UST: variants seen among roughly 807,000 people sequenced by gnomAD.
UST encodes the protein chondroitin sulfate 2-O-sulfotransferase.
UST carries 21 observed loss-of-function variants against 45.6 expected under a neutral mutation model. That is an observed-to-expected ratio of 0.46 (90% CI 0.33 to 0.66). The LOEUF is 0.66. Among genes scored for constraint, UST ranks in the 30% least tolerant of loss-of-function variants. UST has a pLI of 0.02. For missense variants in UST, 463 were observed against 512.4 expected (o/e 0.90, Z 0.93); for synonymous variants, 215 against 200.6 (o/e 1.07, Z -0.61).
intron 2 of UST, among the ~76,000 whole-genome samples, chr6:148,889,837 C>G (rs1366643933): frequency 2.0e-5 from 3 of 152,024 alleles, no homozygotes; most frequent in Non-Finnish European, 4.4e-5. Context: ...GCTTCACTTC[C>G]CCTTCTCCCA....
At chr6:148,931,484 C>T (rs1054002951) in intron 2 of UST, among the ~76,000 whole-genome samples, 16 of 152,110 alleles carry the variant, frequency 1.1e-4, no homozygotes, top group South Asian at 2.1e-4. Context: ...TTTGTAATTC[C>T]GTACTCTGGT....
intron 1 of UST, among the ~76,000 whole-genome samples, chr6:148,777,568 G>A (rs60916872): frequency 2.0e-5 from 3 of 151,798 alleles, no homozygotes; most frequent in Admixed American, 6.6e-5. Context: ...TTTTTGAGAC[G>A]GAGTCTCGCT....
intron 5 of UST, among the ~76,000 whole-genome samples, chr6:149,002,696 G>A (rs959428156): frequency 9.9e-5 from 15 of 152,032 alleles, no homozygotes; most frequent in African/African-American, 3.6e-4. Context: ...TACTAGAGGT[G>A]GGGTTTCACC....
intron 1 of UST, among the ~76,000 whole-genome samples, chr6:148,810,908 C>T (rs1469679702): frequency 6.6e-6 from 1 of 152,070 alleles, no homozygotes; most frequent in Non-Finnish European, 1.5e-5. Context: ...GTATTGTATA[C>T]TAATTAATCT....
At chr6:149,044,895 C>T (rs1014052387) in intron 7 of UST, among the ~76,000 whole-genome samples, 1 of 152,136 alleles carries the variant, frequency 6.6e-6, no homozygotes, top group Non-Finnish European at 1.5e-5. Flanking sequence ...GGAATCCACC[C>T]AAGAGAAAAA....
intron 1 of UST, among the ~76,000 whole-genome samples, chr6:148,769,923 C>T (rs753592146): frequency 2.6e-5 from 4 of 151,204 alleles, no homozygotes; most frequent in South Asian, 2.1e-4. Flanking sequence ...ATTACATTTT[C>T]GTTTACTGGC....
chr6:148,812,235 G>A (rs1777271867), intron 1 of UST, among the ~76,000 whole-genome samples: 1 of 151,846 alleles, frequency 6.6e-6, no homozygotes. Flanking sequence ...AAGCCATTTT[G>A]TACACACATG....
chr6:149,010,913 A>AAAAAAAAAAACAAAAAAAAAAAAAC (rs755674810), intron 5 of UST, among the ~76,000 whole-genome samples: 1 of 92,968 alleles, frequency 1.1e-5, no homozygotes, highest in Non-Finnish European at 2.0e-5. Context: ...AAAAAAAAAA[A>AAAAAAAAAAACAAAAAAAAAAAAAC]AAAAAACTGT....
rs185613572 is a variant in UST at position 148,938,337 on chromosome 6, T to C, written c.292-2942T>C. Among the ~76,000 whole-genome samples the C allele has an allele frequency of 4.1e-3, 630 of 152,218 alleles. 4 individuals are homozygous for C. The highest frequency in any genetic ancestry group is 7.5e-3 in the Non-Finnish European group (511 of 67,986). ...CCCTCAAGAAACAAGGTATTACTCA[T>C]AAGAAAAAAATACATAATGGAAAAA... On this transcript the variant is annotated intron_variant, in intron 2 of 7. Coordinates refer to ENST00000367463, the MANE Select transcript of UST (RefSeq NM_005715.3).
chr6:148,932,241 A>C (rs1329621107), intron 2 of UST, among the ~76,000 whole-genome samples: 2 of 152,148 alleles, frequency 1.3e-5, no homozygotes, highest in Non-Finnish European at 2.9e-5. Flanking sequence ...TTAGCCAGGC[A>C]TGATGCTGTG....
intron 1 of UST, among the ~76,000 whole-genome samples, chr6:148,800,716 C>A (rs1001717760): frequency 1.3e-5 from 2 of 151,284 alleles, no homozygotes; most frequent in African/African-American, 4.9e-5. Context: ...AGAATGCAGC[C>A]TCCTCACCCA....
At chr6:148,913,334 C>A (rs182092025) in intron 2 of UST, among the ~76,000 whole-genome samples, 340 of 151,390 alleles carry the variant, frequency 2.2e-3, no homozygotes, top group African/African-American at 7.8e-3. Context: ...TGCCCACCTG[C>A]AGGCTACAGG....
chr6:148,823,123 G>A (rs1777497975), intron 1 of UST, among the ~76,000 whole-genome samples: 1 of 152,198 alleles, frequency 6.6e-6, no homozygotes, highest in African/African-American at 2.4e-5. Flanking sequence ...GGACTTGGCA[G>A]AGACTACTCT....
chr6:148,860,080 T>C (rs889759675), intron 1 of UST, among the ~76,000 whole-genome samples: 3 of 152,240 alleles, frequency 2.0e-5, no homozygotes, highest in African/African-American at 7.2e-5. Context: ...ACAAATTACC[T>C]TGGGCAGTAT....
At chr6:148,789,426 A>ATCTCTCTCTCTC (rs751939500) in intron 1 of UST, among the ~76,000 whole-genome samples, 12 of 143,628 alleles carry the variant, frequency 8.4e-5, no homozygotes, top group African/African-American at 2.9e-4. Flanking sequence ...TCTTGTGCAG[A>ATCTCTCTCTCTC]TCTCTCTCTC....
chr6:148,752,506 C>T (rs531205615), intron 1 of UST, among the ~76,000 whole-genome samples: 1 of 152,168 alleles, frequency 6.6e-6, no homozygotes, highest in Admixed American at 6.5e-5. Context: ...TATGGTAATC[C>T]GTTCTGTAAA....
intron 2 of UST, among the ~76,000 whole-genome samples, chr6:148,887,724 A>AT (rs1209558095): frequency 6.6e-6 from 1 of 151,930 alleles, no homozygotes; most frequent in Admixed American, 6.6e-5. Context: ...TTTTGACATC[A>AT]TTTTTTTTCC....
intron 3 of UST, among the ~76,000 whole-genome samples, chr6:148,942,544 G>A (rs1010528288): frequency 6.6e-6 from 1 of 152,032 alleles, no homozygotes; most frequent in Non-Finnish European, 1.5e-5. Flanking sequence ...GAGACAGAGC[G>A]AGACTTTGTC....
chr6:148,775,645 G>A (rs944065732), intron 1 of UST, among the ~76,000 whole-genome samples: 3 of 144,820 alleles, frequency 2.1e-5, no homozygotes, highest in Non-Finnish European at 4.6e-5. Context: ...TTTTTGGGGC[G>A]GGGAGAGAGT....
Sources: gnomAD v4.1 joint callset for allele counts (sites outside exome capture counted in the v4.1 genomes callset) on GRCh38, gnomAD v4.1.1 for gene constraint, MANE v1.5 for transcripts, NCBI Gene and HGNC (gene_info 2026-07-23, HGNC 2026-07-21) for gene names.